The following ARRDC5 variants were observed in gnomAD, a reference collection of about 807,000 sequenced individuals.
ARRDC5 encodes arrestin domain containing 5, also known as arrestin domain-containing protein 5.
In ARRDC5, 12 loss-of-function variants were observed where a neutral mutation model predicts 13.3. The ratio of observed to expected loss-of-function variants is 0.90; its 90% CI spans 0.58 to 1.46. The LOEUF (loss-of-function observed/expected upper bound fraction) is 1.46, where lower values mean the gene tolerates loss of function less well. Among genes scored for constraint, ARRDC5 ranks in the 40% most tolerant of loss-of-function variants. The probability of loss-of-function intolerance (pLI) is 0.00; values close to 1 mark genes in which losing one functional copy is unlikely to be tolerated. For missense variants in ARRDC5, 406 were observed against 418.7 expected (o/e 0.97, Z 0.26); for synonymous variants, 181 against 173.4 (o/e 1.04, Z -0.34).
chr19:4,907,413 C>T (rs777801184), upstream of ARRDC5, among the ~76,000 whole-genome samples: 3 of 152,044 alleles, frequency 2.0e-5, no homozygotes, highest in East Asian at 1.9e-4. Context: ...GGATTACAGG[C>T]GCCGGCCACC....
At chr19:4,906,815 C>T (rs1050115141), upstream of ARRDC5, among the ~76,000 whole-genome samples, 7 of 152,120 alleles carry the variant, frequency 4.6e-5, no homozygotes, top group African/African-American at 7.2e-5. Context: ...GTTGAGTTTT[C>T]GCAACAGCGC....
chr19:4,915,363 C>T, the ARRDC5 span, among the ~76,000 whole-genome samples: 1 of 152,176 alleles, frequency 6.6e-6, no homozygotes, highest in African/African-American at 2.4e-5. Context: ...CCCGAAGCAG[C>T]TGTAGACAAT....
Position 4,902,712 on chromosome 19 carries a change from G to T in ARRDC5, c.114C>A (p.Pro38=). 6.2e-7 allele frequency: 1 copy of T among 1,613,978 alleles called. No homozygotes were observed. The highest frequency in any genetic ancestry group is 1.1e-5 in the South Asian group (1 of 91,086). ...TTCCCACGAGCTCCACCTTCACTAT[G>T]GGGTCCACCAGGGTGCTGTTCAGGG... ...ILTLNSTLVD[P]IVKVELVGRG... is the part of the protein sequence containing the mutation. Residue 38 remains proline, a synonymous_variant, in exon 1 of 3, where the codon CCC becomes CCA. Coordinates refer to ENST00000650722, the MANE Select transcript of ARRDC5 (RefSeq NM_001080523.3).
At chr19:4,903,033 T>TTCAC, upstream of ARRDC5, 1 of 589,768 alleles carries the variant, frequency 1.7e-6, no homozygotes, top group South Asian at 2.1e-5. Context: ...CTGGTTCTTT[T>TTCAC]TTTTTTTTTT....
upstream of ARRDC5, chr19:4,903,018 C>T: frequency 4.8e-6 from 2 of 417,984 alleles, no homozygotes; most frequent in Non-Finnish European, 8.1e-6. Context: ...AACCTGTAGT[C>T]CTCACTGGTT....
At chr19:4,910,880 G>A in the ARRDC5 span, 1 of 1,606,416 alleles carries the variant, frequency 6.2e-7, no homozygotes, top group Non-Finnish European at 8.5e-7. Context: ...CCTCAGCGCC[G>A]ACACCATGTG....
In ARRDC5 at chr19:4,891,121, G is replaced by C; in HGVS notation, c.912C>G (p.Ser304Arg). ...GGCAGATGGCAGAGTCCACTGAGGC[G>C]CTGGTGATGATGATGGGAACTTTGG... ...LKAKVPIIITSASVDSAICQL... is the reference protein window; with the variant it reads ...LKAKVPIIITRASVDSAICQL... The change falls in exon 3 of 3, where the codon AGC (serine) becomes AGG (arginine). Residue 304 changes from serine (S) to arginine (R), a missense_variant. Physicochemically the swap from Ser to Arg is moderately radical, Grantham distance 110. Coordinates refer to ENST00000650722, the MANE Select transcript of ARRDC5 (RefSeq NM_001080523.3). 6.2e-7 allele frequency: 1 copy of C among 1,613,962 alleles called. No individual in the cohort carries two copies. The highest frequency in any genetic ancestry group is 8.5e-7 in the Non-Finnish European group (1 of 1,179,884).
At position 4,890,997 on chromosome 19, in the gene ARRDC5, C is replaced by T. The variant is rs2031479779; in HGVS notation, c.*49G>A. The T allele has an allele frequency of 6.6e-7, 1 of 1,506,380 alleles. No individual in the cohort carries two copies. Among genetic ancestry groups the T allele is most frequent in the South Asian group, 1.3e-5 (1 of 77,672 alleles). 93.3% of individuals were successfully genotyped at this position (1,506,380 alleles called of 1,614,324 possible). A position where few individuals can be genotyped will look rare whatever the true frequency, so the allele number is the denominator to read the frequency against. Reference sequence around the variant, plus strand: ...GTCACCTGTGCAAGAGAGAGGGCTTCCTCCTGGTAGAGACTAATAAAGCTT... The same window carrying T: ...GTCACCTGTGCAAGAGAGAGGGCTTTCTCCTGGTAGAGACTAATAAAGCTT... On this transcript the variant is annotated 3_prime_UTR_variant, in exon 3 of 3. Transcript: ENST00000650722.
chr19:4,914,122 G>A, the ARRDC5 span, among the ~76,000 whole-genome samples: 5 of 152,032 alleles, frequency 3.3e-5, no homozygotes, highest in East Asian at 7.7e-4. Flanking sequence ...CGTCGCATCC[G>A]GCCCCCATGC....
In ARRDC5 at chr19:4,896,330, A is replaced by G. The variant is rs1481144241; in HGVS notation, c.459+341T>C. On this transcript the variant is annotated intron_variant, in intron 2 of 2. Coordinates refer to ENST00000650722, the MANE Select transcript of ARRDC5 (RefSeq NM_001080523.3). ...CTGCATCTCAAAAAAAAAAAAAAAA[A>G]TATATATATATATATATATTTTTTT... Among the ~76,000 whole-genome samples, 5 of 51,332 alleles carry G rather than the reference A, an allele frequency of 9.7e-5. 1 individual carries two copies. The highest frequency in any genetic ancestry group is 1.8e-4 in the Non-Finnish European group (5 of 28,516). The allele number at this position is 51,332 out of a possible 152,430, so 33.7% of individuals were successfully genotyped here.
At position 4,894,192 on chromosome 19, in the gene ARRDC5, C is replaced by T. The variant is rs1446992214; in HGVS notation, c.459+2479G>A. Among the ~76,000 whole-genome samples the T allele has an allele frequency of 4.7e-5, 7 of 149,352 alleles. No homozygotes were observed. The East Asian group carries it at 9.9e-4, about 21-fold the overall frequency. ...GAGATTGAGACCATCCTGGCTAACA[C>T]GGTGAAACCCCGTCTCTAATAAAAA... On this transcript the variant is annotated intron_variant, in intron 2 of 2. Coordinates refer to ENST00000650722, the MANE Select transcript of ARRDC5 (RefSeq NM_001080523.3).
chr19:4,910,345 G>C, the ARRDC5 span: 1 of 151,232 alleles, frequency 6.6e-6, no homozygotes, highest in Non-Finnish European at 1.5e-5. Flanking sequence ...CGCGCGGGGG[G>C]GGCCGGCAAG....
chr19:4,904,191 T>G (rs7246767), upstream of ARRDC5, among the ~76,000 whole-genome samples: 14,221 of 149,222 alleles, frequency 0.095, 761 homozygotes, highest in Middle Eastern at 0.17. Flanking sequence ...TTTTGTTTTT[T>G]TTTTGAGATT....
the ARRDC5 span, chr19:4,910,332 A>G: frequency 2.5e-5 from 3 of 117,710 alleles, no homozygotes; most frequent in Non-Finnish European, 5.8e-5. Flanking sequence ...CCGGTCGCGC[A>G]CGCGCGCGGG....
upstream of ARRDC5, among the ~76,000 whole-genome samples, chr19:4,907,159 G>A (rs1376366368): frequency 6.6e-5 from 10 of 152,202 alleles, no homozygotes. Flanking sequence ...ACCCAGGTGG[G>A]AGTACACTGG....
intron 2 of ARRDC5, among the ~76,000 whole-genome samples, chr19:4,896,063 C>A (rs1413030063): frequency 6.6e-6 from 1 of 152,120 alleles, no homozygotes; most frequent in African/African-American, 2.4e-5. Context: ...GCCTGTAATC[C>A]CAGCACTTTG....
intron 1 of ARRDC5, among the ~76,000 whole-genome samples, chr19:4,901,646 A>C (rs971353022): frequency 3.3e-5 from 5 of 152,128 alleles, no homozygotes; most frequent in African/African-American, 1.2e-4. Flanking sequence ...TAAGATACAA[A>C]TAAATAAATA....
At chr19:4,894,956 G>C (rs887143606) in intron 2 of ARRDC5, among the ~76,000 whole-genome samples, 4 of 151,994 alleles carry the variant, frequency 2.6e-5, no homozygotes, top group Non-Finnish European at 5.9e-5. Flanking sequence ...AATCCCTGCA[G>C]TCTTATTCGA....
At chr19:4,909,305 C>T in the ARRDC5 span, 1 of 546,834 alleles carries the variant, frequency 1.8e-6, no homozygotes, top group African/African-American at 2.0e-5. Flanking sequence ...CTGGGCGCGC[C>T]CAGCAGAGCG....
Sources: allele counts gnomAD v4.1 joint callset (sites outside exome capture counted in the v4.1 genomes callset), GRCh38; gene constraint gnomAD v4.1.1; transcripts MANE v1.5; gene names NCBI Gene and HGNC (gene_info 2026-07-23, HGNC 2026-07-21).